Variants in LRRC28 observed in about 807,000 individuals in gnomAD.
LRRC28 encodes leucine rich repeat containing 28.
In LRRC28, 39 loss-of-function variants were observed where a neutral mutation model predicts 45.7. That is an observed-to-expected ratio of 0.85 (90% CI 0.66 to 1.12). LRRC28 has a LOEUF of 1.12. Ranked by LOEUF, LRRC28 falls within the 50% of genes most tolerant of loss-of-function variation. The pLI, the probability that LRRC28 is intolerant of heterozygous loss-of-function variation, is 0.00. For missense variants in LRRC28, 435 were observed against 438.5 expected, an observed-to-expected ratio of 0.99 and a Z score of 0.07; for synonymous variants, 206 against 178.8, an observed-to-expected ratio of 1.15 and a Z score of -1.22.
At chr15:99,369,049 C>T (rs1450649881) in intron 9 of LRRC28, among the ~76,000 whole-genome samples, 1 of 152,190 alleles carries the variant, frequency 6.6e-6, no homozygotes, top group African/African-American at 2.4e-5. Flanking sequence ...TACTTTATAA[C>T]AAGGATCACC....
At chr15:99,291,695 A>G (rs1447050248) in intron 5 of LRRC28, among the ~76,000 whole-genome samples, 1 of 152,198 alleles carries the variant, frequency 6.6e-6, no homozygotes, top group African/African-American at 2.4e-5. Context: ...GTTGTCATTG[A>G]AAAGCCTTTG....
intron 9 of LRRC28, among the ~76,000 whole-genome samples, chr15:99,375,305 A>T (rs147033476): frequency 1.3e-5 from 2 of 151,952 alleles, no homozygotes; most frequent in African/African-American, 4.8e-5. Flanking sequence ...CTAGCCTCAC[A>T]CTCCTGGAAT....
In LRRC28 at chr15:99,251,968, A is replaced by G. The variant is rs28475427; in HGVS notation, c.-61+427A>G. On this transcript the variant is annotated intron_variant, in intron 1 of 9. Transcript: ENST00000301981. ...AGGAAATTGGAATGCGTATTCTACT[A>G]AATTGAGTACGGGGAGGTCAGTATA... The G allele has an allele frequency of 2.6e-3, 398 of 152,336 alleles. 4 individuals are homozygous for G. Among genetic ancestry groups the G allele is most frequent in the African/African-American group, 9.0e-3 (373 of 41,570 alleles). 9.4% of individuals were successfully genotyped at this position (152,336 alleles called of 1,614,324 possible). A position where few individuals can be genotyped will look rare whatever the true frequency, so the allele number is the denominator to read the frequency against.
rs1015559701 is a variant in LRRC28, at chr15:99,389,407, TAGTA to T, written c.*3306_*3309del. 25 of 152,298 alleles carry T rather than the reference TAGTA, an allele frequency of 1.6e-4. No homozygotes were observed. Among genetic ancestry groups the T allele is most frequent in the African/African-American group, 6.0e-4 (25 of 41,568 alleles). The allele number at this position is 152,298 out of a possible 1,614,324, so 9.4% of individuals were successfully genotyped here. On this transcript the variant is annotated 3_prime_UTR_variant, in exon 10 of 10. Transcript: ENST00000301981. ...GACTTTCAAAGCCAATTTTTAAAAT[TAGTA>T]GTAGTAAAGGTTTTTCCCTTTCCTG...
At chr15:99,371,772 G>C (rs76852399) in intron 9 of LRRC28, among the ~76,000 whole-genome samples, 1,916 of 152,262 alleles carry the variant, frequency 0.013, 29 homozygotes, top group African/African-American at 0.044. Context: ...ATTGTTCTTA[G>C]CTGTTTCTTC....
At chr15:99,258,628 A>G in intron 2 of LRRC28, 1 of 751,680 alleles carries the variant, frequency 1.3e-6, no homozygotes, top group East Asian at 2.7e-5. Flanking sequence ...GAACTTATGA[A>G]TGATATCAAA....
chr15:99,364,883 T>G (rs1478709154), intron 9 of LRRC28, among the ~76,000 whole-genome samples: 1 of 152,236 alleles, frequency 6.6e-6, no homozygotes, highest in Non-Finnish European at 1.5e-5. Flanking sequence ...TTGCTGTGTT[T>G]TTAGCAAATG....
At chr15:99,381,040 G>C (rs147504092) in intron 9 of LRRC28, among the ~76,000 whole-genome samples, 2,665 of 152,286 alleles carry the variant, frequency 0.018, 86 homozygotes, top group African/African-American at 0.061. Context: ...GAGTATCTTT[G>C]TGGTGTTCTC....
chr15:99,383,458 G>A (rs1789587249), intron 9 of LRRC28, among the ~76,000 whole-genome samples: 1 of 152,140 alleles, frequency 6.6e-6, no homozygotes, highest in African/African-American at 2.4e-5. Flanking sequence ...GAAGAATGGG[G>A]CCTACCCCAT....
intron 9 of LRRC28, among the ~76,000 whole-genome samples, chr15:99,380,903 T>C (rs1377152277): frequency 1.3e-5 from 2 of 152,252 alleles, no homozygotes; most frequent in Non-Finnish European, 2.9e-5. Context: ...TGAGATCCGC[T>C]GTTCGTCTGA....
intron 2 of LRRC28, chr15:99,259,536 C>T: frequency 4.1e-6 from 5 of 1,233,280 alleles, no homozygotes; most frequent in Non-Finnish European, 6.0e-6. Context: ...CAGTGCCTGA[C>T]AGAATCTCTG....
chr15:99,361,305 A>T (rs373716737), intron 7 of LRRC28, 31 bp from the exon 8 acceptor site: 1 of 1,590,482 alleles, frequency 6.3e-7, no homozygotes, highest in Admixed American at 1.8e-5. Flanking sequence ...CCTTATTGCT[A>T]ATAATACTGT....
intron 5 of LRRC28, among the ~76,000 whole-genome samples, chr15:99,317,197 T>A (rs751051402): frequency 3.3e-5 from 5 of 152,116 alleles, no homozygotes; most frequent in Non-Finnish European, 7.4e-5. Context: ...TTTTCCTGTA[T>A]AAAAGGAAAA....
chr15:99,308,535 G>C (rs956453031), intron 5 of LRRC28, among the ~76,000 whole-genome samples: 2 of 152,112 alleles, frequency 1.3e-5, no homozygotes, highest in African/African-American at 4.8e-5. Context: ...AGTTAGGCGT[G>C]GTGGCACGTG....
At chr15:99,299,914 T>A (rs1160615740) in intron 5 of LRRC28, among the ~76,000 whole-genome samples, 1 of 152,172 alleles carries the variant, frequency 6.6e-6, no homozygotes, top group Non-Finnish European at 1.5e-5. Flanking sequence ...AAAATGAGTA[T>A]CTTTATATGC....
Position 99,318,894 on chromosome 15 carries a change from A to G in LRRC28, c.386-15029A>G, listed in dbSNP as rs994810828. Among the ~76,000 whole-genome samples, 9 of 152,000 alleles carry G rather than the reference A, an allele frequency of 5.9e-5. No individual in the cohort carries two copies. In the South Asian group the frequency reaches 1.2e-3, roughly 21 times the overall value. On this transcript the variant is annotated intron_variant, in intron 5 of 9. Coordinates refer to ENST00000301981, the MANE Select transcript of LRRC28 (RefSeq NM_144598.5). Reference sequence around the variant, plus strand: ...CAGTGGAGGTCATCAACCGCTTTCTATTTTTCATGGTAATTTTTTATGGGA... The same window carrying G: ...CAGTGGAGGTCATCAACCGCTTTCTGTTTTTCATGGTAATTTTTTATGGGA...
intron 1 of LRRC28, 24 bp downstream of exon 1, chr15:99,251,565 C>T (rs1052853861): frequency 6.6e-6 from 1 of 152,240 alleles, no homozygotes; most frequent in Non-Finnish European, 1.5e-5. Context: ...TCCGCCTCGT[C>T]GGGTGATTCA....
At chr15:99,287,977 A>T in intron 5 of LRRC28, 26 bp downstream of exon 5, 2 of 1,585,622 alleles carry the variant, frequency 1.3e-6, no homozygotes, top group Non-Finnish European at 1.7e-6. Context: ...AGCACACTAT[A>T]GTTTCTTGTC....
intron 2 of LRRC28, among the ~76,000 whole-genome samples, chr15:99,265,342 G>A (rs140723588): frequency 6.6e-6 from 1 of 152,286 alleles, no homozygotes; most frequent in Non-Finnish European, 1.5e-5. Context: ...AGTTGGATTG[G>A]AGGCAAATAA....
Sources: gnomAD v4.1 joint callset for allele counts (sites outside exome capture counted in the v4.1 genomes callset) on GRCh38, gnomAD v4.1.1 for gene constraint, MANE v1.5 for transcripts, NCBI Gene and HGNC (gene_info 2026-07-23, HGNC 2026-07-21) for gene names.